The following ARID2 variants were observed in gnomAD, a reference collection of about 807,000 sequenced individuals.
ARID2 encodes AT-rich interaction domain 2.
Under a neutral mutation model 184.6 loss-of-function variants are expected in ARID2, and 32 were observed. That is an observed-to-expected ratio of 0.17 (90% CI 0.13 to 0.23). ARID2 has a LOEUF of 0.23. ARID2 is among the 10% of genes least tolerant of loss of function. The pLI is 1.00. For synonymous variants in ARID2, 836 were observed against 772.6 expected (o/e 1.08, Z -1.36); for missense variants, 1,696 against 2,197.6 (o/e 0.77, Z 4.56).
intron 16 of ARID2, among the ~76,000 whole-genome samples, chr12:45,862,678 T>C (rs1162044474): frequency 4.6e-5 from 7 of 152,156 alleles, no homozygotes; most frequent in Non-Finnish European, 7.4e-5. Flanking sequence ...ACCTCATGTC[T>C]AAAAAGATAA....
At chr12:45,887,568 C>G (rs1424910023) in intron 16 of ARID2, among the ~76,000 whole-genome samples, 1 of 152,108 alleles carries the variant, frequency 6.6e-6, no homozygotes, top group East Asian at 1.9e-4. Context: ...TTCACACAAC[C>G]AGGAAAGATT....
intron 3 of ARID2, among the ~76,000 whole-genome samples, chr12:45,780,707 C>CCCGGCAGGCAGA (rs1942072801): frequency 6.6e-6 from 1 of 152,070 alleles, no homozygotes; most frequent in Non-Finnish European, 1.5e-5. Context: ...CAACCTCTGC[C>CCCGGCAGGCAGA]TGCCGGGTTC....
At chr12:45,893,768 T>C (rs1944334269) in intron 20 of ARID2, 47 bp downstream of exon 20, 11 of 1,388,016 alleles carry the variant, frequency 7.9e-6, no homozygotes, top group Non-Finnish European at 8.8e-6. Context: ...GTTTATTTTA[T>C]TTTTACATAT....
intron 3 of ARID2, among the ~76,000 whole-genome samples, chr12:45,782,882 G>A (rs1025915016): frequency 2.0e-5 from 3 of 151,922 alleles, no homozygotes; most frequent in Non-Finnish European, 4.4e-5. Flanking sequence ...GCTGAGGCGG[G>A]TAGATCACTT....
intron 3 of ARID2, among the ~76,000 whole-genome samples, chr12:45,737,829 T>TC (rs1397198440): frequency 4.0e-4 from 61 of 152,168 alleles, no homozygotes; most frequent in Non-Finnish European, 5.9e-5. Flanking sequence ...CCAGGTGACA[T>TC]CTGGTCTAGG....
Position 45,878,565 on chromosome 12 carries a change from A to G in ARID2, c.4923-13215A>G, listed in dbSNP as rs556189535. Reference sequence around the variant, plus strand: ...GTTTATTTCTGTTACAGTTTTTTTCATATTTCTAGCATTTTCTTTTTATTC... The same window carrying G: ...GTTTATTTCTGTTACAGTTTTTTTCGTATTTCTAGCATTTTCTTTTTATTC... On this transcript the variant is annotated intron_variant, in intron 16 of 20. Coordinates refer to ENST00000334344, the MANE Select transcript of ARID2 (RefSeq NM_152641.4). Among the ~76,000 whole-genome samples the G allele has an allele frequency of 2.0e-5, 3 of 152,104 alleles. No individual in the cohort carries two copies. The East Asian group carries it at 5.8e-4, about 29-fold the overall frequency.
At chr12:45,864,252 T>G (rs1484349495) in intron 16 of ARID2, among the ~76,000 whole-genome samples, 1 of 152,294 alleles carries the variant, frequency 6.6e-6, no homozygotes, top group East Asian at 1.9e-4. Context: ...CATTTATCTC[T>G]AAAAGTTAGG....
chr12:45,845,308 A>G (rs1024879846), intron 11 of ARID2, among the ~76,000 whole-genome samples: 1 of 152,174 alleles, frequency 6.6e-6, no homozygotes, highest in African/African-American at 2.4e-5. Context: ...CTGTATTAAT[A>G]TCGTCAACTT....
chr12:45,778,063 G>T (rs1044406304), intron 3 of ARID2, among the ~76,000 whole-genome samples: 2 of 152,106 alleles, frequency 1.3e-5, no homozygotes, highest in East Asian at 3.9e-4. Flanking sequence ...AAAATTAGCC[G>T]GGTGTGGTGG....
At chr12:45,829,413 A>C (rs1255142868) in intron 6 of ARID2, among the ~76,000 whole-genome samples, 1 of 152,004 alleles carries the variant, frequency 6.6e-6, no homozygotes, top group Non-Finnish European at 1.5e-5. Flanking sequence ...CCTCTATGCA[A>C]TTTAAAACCC....
At chr12:45,899,668 TGG>T (rs372133729) in intron 20 of ARID2, among the ~76,000 whole-genome samples, 7 of 19,554 alleles carry the variant, frequency 3.6e-4, no homozygotes, top group South Asian at 1.5e-3. Context: ...TATATATATA[TGG>T]TTATATATGG....
chr12:45,873,484 A>G (rs971305979), intron 16 of ARID2, among the ~76,000 whole-genome samples: 2 of 152,124 alleles, frequency 1.3e-5, no homozygotes, highest in Non-Finnish European at 1.5e-5. Context: ...TCGGATATCA[A>G]TCATATTTCT....
At chr12:45,825,513 CAA>C (rs1013765035) in intron 6 of ARID2, among the ~76,000 whole-genome samples, 3 of 152,114 alleles carry the variant, frequency 2.0e-5, no homozygotes, top group African/African-American at 7.2e-5. Flanking sequence ...GTTTAACTAA[CAA>C]AAACTGCTAA....
At chr12:45,872,681 G>A (rs1433308450) in intron 16 of ARID2, among the ~76,000 whole-genome samples, 4 of 152,206 alleles carry the variant, frequency 2.6e-5, no homozygotes, top group Non-Finnish European at 5.9e-5. Flanking sequence ...GGGCGTAACC[G>A]CATGGGTGGG....
intron 20 of ARID2, among the ~76,000 whole-genome samples, chr12:45,900,989 TTTG>T (rs565633664): frequency 1.0e-3 from 157 of 151,900 alleles, no homozygotes; most frequent in African/African-American, 3.5e-3. Context: ...CGGTGGGTGT[TTTG>T]TTGTTGTTTT....
intron 20 of ARID2, among the ~76,000 whole-genome samples, chr12:45,902,249 C>CA: frequency 6.6e-6 from 1 of 152,090 alleles, no homozygotes; most frequent in Middle Eastern, 3.4e-3. Flanking sequence ...TATATCAAAA[C>CA]AAAGTGAGTG....
chr12:45,809,943 G>T (rs1368323570), intron 3 of ARID2, among the ~76,000 whole-genome samples: 1 of 152,028 alleles, frequency 6.6e-6, no homozygotes, highest in Middle Eastern at 3.4e-3. Flanking sequence ...ATACTTCCAG[G>T]ATACTCTTAC....
chr12:45,810,455 A>T (rs1243574382), intron 3 of ARID2, among the ~76,000 whole-genome samples: 1 of 152,180 alleles, frequency 6.6e-6, no homozygotes, highest in East Asian at 1.9e-4. Context: ...TACCTTTCTA[A>T]TATCAAGAGA....
At position 45,746,377 on chromosome 12, in the gene ARID2, T is replaced by C. The variant is rs368007364; in HGVS notation, c.284+15063T>C. 2.3e-3 allele frequency among the ~76,000 whole-genome samples: 344 copies of C among 152,230 alleles called. 14 individuals carry two copies. In the South Asian group the frequency reaches 0.068, roughly 30 times the overall value. On this transcript the variant is annotated intron_variant, in intron 3 of 20. Coordinates refer to ENST00000334344, the MANE Select transcript of ARID2 (RefSeq NM_152641.4). Reference sequence around the variant, plus strand: ...CCTCCTGGCTTGGCCTCCCAAAGTGTTGGGATTGCAGACCTGAGCCACCCA... The same window carrying C: ...CCTCCTGGCTTGGCCTCCCAAAGTGCTGGGATTGCAGACCTGAGCCACCCA...
Sources: allele counts gnomAD v4.1 joint callset (sites outside exome capture counted in the v4.1 genomes callset), GRCh38; gene constraint gnomAD v4.1.1; transcripts MANE v1.5; gene names NCBI Gene and HGNC (gene_info 2026-07-23, HGNC 2026-07-21).